The following ATP2C1 variants were observed in gnomAD, a reference collection of about 807,000 sequenced individuals.
ATP2C1 encodes ATPase secretory pathway Ca2+ transporting 1, also known as calcium-transporting ATPase type 2C member 1.
In ATP2C1, 31 loss-of-function variants were observed where a neutral mutation model predicts 120.5. That is an observed-to-expected ratio of 0.26 (90% CI 0.19 to 0.35). ATP2C1 has a LOEUF of 0.35. Ranked by LOEUF, ATP2C1 falls within the 10% of genes least tolerant of loss-of-function variation. ATP2C1 has a pLI of 1.00. For synonymous variants in ATP2C1, 351 were observed against 358.7 expected, an observed-to-expected ratio of 0.98 and a Z score of 0.24; for missense variants, 731 against 1,107.5, an observed-to-expected ratio of 0.66 and a Z score of 4.83.
intron 1 of ATP2C1, among the ~76,000 whole-genome samples, chr3:130,866,236 TTAAA>T (rs1370884186): frequency 5.3e-5 from 8 of 152,290 alleles, no homozygotes; most frequent in Admixed American, 2.0e-4. Context: ...TTTCAAGTGA[TTAAA>T]TAGTGAGAAT....
At chr3:130,936,990 A>C (rs2059702415) in intron 5 of ATP2C1, among the ~76,000 whole-genome samples, 1 of 150,670 alleles carries the variant, frequency 6.6e-6, no homozygotes. Flanking sequence ...AAAATATAAA[A>C]ATTTAAAACA....
At chr3:130,887,087 G>A (rs2068994858) in intron 1 of ATP2C1, among the ~76,000 whole-genome samples, 1 of 152,194 alleles carries the variant, frequency 6.6e-6, no homozygotes, top group African/African-American at 2.4e-5. Flanking sequence ...GACTTGTAGA[G>A]GTACTGCCTT....
chr3:130,871,263 T>A (rs1217543327), intron 1 of ATP2C1, among the ~76,000 whole-genome samples: 1 of 152,256 alleles, frequency 6.6e-6, no homozygotes, highest in Non-Finnish European at 1.5e-5. Context: ...TATCTCTGAG[T>A]TATCCCTGTA....
In ATP2C1 at chr3:130,975,046, G is replaced by A. The variant is rs768438885; in HGVS notation, c.1414-286G>A. Among the ~76,000 whole-genome samples, 4 of 152,278 alleles carry A rather than the reference G, an allele frequency of 2.6e-5. No homozygotes were observed. The East Asian group carries it at 5.8e-4, about 22-fold the overall frequency. ...AGCTGTTATTTCTCTTCCATTTCCT[G>A]TTATGTTGCAGTGAGCCTCTTTCCA... On this transcript the variant is annotated intron_variant, in intron 17 of 27. Coordinates refer to ENST00000510168, the MANE Select transcript of ATP2C1 (RefSeq NM_001378687.1).
intron 8 of ATP2C1, among the ~76,000 whole-genome samples, chr3:130,950,487 G>A (rs992422572): frequency 3.3e-5 from 5 of 152,022 alleles, no homozygotes; most frequent in African/African-American, 1.2e-4. Context: ...TTATTAAACT[G>A]TAATAGGCTT....
intron 2 of ATP2C1, among the ~76,000 whole-genome samples, chr3:130,902,284 G>GTTTTTTTTTTTTTTTTTTTTTTTTTTT (rs1157956407): frequency 3.1e-5 from 2 of 65,504 alleles, no homozygotes. Context: ...AAGGCTTCAC[G>GTTTTTTTTTTTTTTTTTTTTTTTTTTT]TTTTTTTTTT....
At chr3:130,965,367 T>C (rs2061006576) in intron 14 of ATP2C1, among the ~76,000 whole-genome samples, 1 of 152,078 alleles carries the variant, frequency 6.6e-6, no homozygotes, top group Non-Finnish European at 1.5e-5. Context: ...TTACCGCCAT[T>C]TCTCACCTGC....
intron 17 of ATP2C1, among the ~76,000 whole-genome samples, chr3:130,974,984 C>T (rs998576001): frequency 1.3e-5 from 2 of 152,104 alleles, no homozygotes; most frequent in South Asian, 2.1e-4. Context: ...TAGATATAGA[C>T]GTATATAGTA....
chr3:130,907,079 T>TAC (rs55687116), intron 2 of ATP2C1, among the ~76,000 whole-genome samples: 29,471 of 149,848 alleles, frequency 0.2, 3,288 homozygotes, highest in African/African-American at 0.32. Context: ...TATATGTGTG[T>TAC]ACACACACAC....
At chr3:131,006,838 A>AT (rs367918785), downstream of ATP2C1, among the ~76,000 whole-genome samples, 13 of 149,358 alleles carry the variant, frequency 8.7e-5, no homozygotes, top group African/African-American at 1.5e-4. Flanking sequence ...AATTTTGTGT[A>AT]TTTTTTTTTG....
chr3:130,895,760 A>G (rs1022930829), intron 2 of ATP2C1, among the ~76,000 whole-genome samples: 1 of 152,218 alleles, frequency 6.6e-6, no homozygotes, highest in African/African-American at 2.4e-5. Context: ...GACTAGGACT[A>G]GTAATTTTGA....
At chr3:130,986,559 G>T (rs893348114) in intron 20 of ATP2C1, among the ~76,000 whole-genome samples, 11 of 152,142 alleles carry the variant, frequency 7.2e-5, no homozygotes, top group Non-Finnish European at 1.2e-4. Context: ...GTTAATTATA[G>T]CAGATATCCT....
At chr3:130,967,718 TA>T (rs1247926746) in intron 16 of ATP2C1, among the ~76,000 whole-genome samples, 2 of 152,206 alleles carry the variant, frequency 1.3e-5, no homozygotes, top group Non-Finnish European at 2.9e-5. Flanking sequence ...AAATACTTTA[TA>T]AATGTGTGTA....
chr3:131,007,560 A>G (rs184816608), downstream of ATP2C1, among the ~76,000 whole-genome samples: 14 of 152,372 alleles, frequency 9.2e-5, no homozygotes, highest in Admixed American at 3.9e-4. Flanking sequence ...AAACTGTTCT[A>G]TATAAATTCC....
chr3:130,892,405 G>T (rs926876697), upstream of ATP2C1, among the ~76,000 whole-genome samples: 1 of 152,232 alleles, frequency 6.6e-6, no homozygotes. Flanking sequence ...CTATGTCATT[G>T]TGTAGACAAA....
chr3:130,932,198 T>G, intron 4 of ATP2C1, 60 bp downstream of exon 4: 1 of 1,033,022 alleles, frequency 9.7e-7, no homozygotes, highest in Non-Finnish European at 1.5e-6. Flanking sequence ...ACTTCTGTTA[T>G]GTAGTTGCTT....
chr3:130,984,405 G>A (rs1431021938), intron 20 of ATP2C1, among the ~76,000 whole-genome samples: 1 of 152,112 alleles, frequency 6.6e-6, no homozygotes, highest in Non-Finnish European at 1.5e-5. Context: ...AACATATATT[G>A]CTGAATTGTC....
intron 20 of ATP2C1, among the ~76,000 whole-genome samples, chr3:130,989,999 T>G (rs1321129532): frequency 6.6e-6 from 1 of 152,224 alleles, no homozygotes; most frequent in African/African-American, 2.4e-5. Context: ...ATAAGTTATG[T>G]GATTCATGAT....
Position 130,945,539 on chromosome 3 carries a change from C to T in ATP2C1, c.531+3840C>T, listed in dbSNP as rs550675530. Among the ~76,000 whole-genome samples, 122 of 134,948 alleles carry T rather than the reference C, an allele frequency of 9.0e-4. 1 individual carries two copies. The highest frequency in any genetic ancestry group is 3.1e-3 in the African/African-American group (112 of 36,202). 88.5% of individuals were successfully genotyped at this position (134,948 alleles called of 152,430 possible). ...CCTCCCCCCACCCCACGACAGGCCCCGGTGTGTGATGTTTCCAACCCCGTG... is the reference window on the plus strand; with the variant it reads ...CCTCCCCCCACCCCACGACAGGCCCTGGTGTGTGATGTTTCCAACCCCGTG... On this transcript the variant is annotated intron_variant, in intron 8 of 27. Coordinates refer to ENST00000510168, the MANE Select transcript of ATP2C1 (RefSeq NM_001378687.1).
Sources: allele counts gnomAD v4.1 joint callset (sites outside exome capture counted in the v4.1 genomes callset), GRCh38; gene constraint gnomAD v4.1.1; transcripts MANE v1.5; gene names NCBI Gene and HGNC (gene_info 2026-07-23, HGNC 2026-07-21).